Variants in ROBO1 observed in about 807,000 individuals in gnomAD.
The protein encoded by ROBO1 is roundabout homolog 1.
Under a neutral mutation model 195.9 loss-of-function variants are expected in ROBO1, and 149 were observed. The observed-to-expected ratio is 0.76, with a 90% CI of 0.67 to 0.87. ROBO1 has a LOEUF of 0.87. ROBO1 is among the 40% of genes least tolerant of loss of function. ROBO1 has a pLI of 0.00. For missense variants in ROBO1, 1,933 were observed against 2,068.3 expected, an observed-to-expected ratio of 0.93 and a Z score of 1.27; for synonymous variants, 816 against 733.2, an observed-to-expected ratio of 1.11 and a Z score of -1.82.
intron 10 of ROBO1, among the ~76,000 whole-genome samples, chr3:78,681,051 GA>G (rs1171695222): frequency 5.3e-5 from 8 of 151,846 alleles, no homozygotes; most frequent in Non-Finnish European, 1.2e-4. Flanking sequence ...GATGAAATTG[GA>G]AATCATCATT....
chr3:79,249,573 T>A lies in ROBO1; in HGVS notation c.89-124034A>T, dbSNP rs982504242. On this transcript the variant is annotated intron_variant, in intron 2 of 30. Coordinates refer to ENST00000464233, the MANE Select transcript of ROBO1 (RefSeq NM_002941.4). ...CACTGGACCAGGTTTGTATTATGTA[T>A]CTTGCTACAACAGGGAAAACTTAAA... is the stretch of plus-strand genomic sequence containing the variant. Among the ~76,000 whole-genome samples, 10 of 152,190 alleles carry A rather than the reference T, an allele frequency of 6.6e-5. No homozygotes were observed. In the East Asian group the frequency reaches 1.9e-3, roughly 29 times the overall value.
intron 3 of ROBO1, among the ~76,000 whole-genome samples, chr3:79,033,804 T>C (rs767982601): frequency 2.0e-5 from 3 of 152,198 alleles, no homozygotes; most frequent in Non-Finnish European, 2.9e-5. Flanking sequence ...CAATATATAT[T>C]AAAATACTCT....
chr3:79,268,333 T>C (rs1481606144), intron 2 of ROBO1, among the ~76,000 whole-genome samples: 1 of 151,684 alleles, frequency 6.6e-6, no homozygotes, highest in East Asian at 1.9e-4. Context: ...GTTGGAAGTG[T>C]ACTATAAATG....
At chr3:79,550,195 G>GAAAGAAAGAAAGAAAGAAAAGAAAA in intron 2 of ROBO1, among the ~76,000 whole-genome samples, 4 of 100,838 alleles carry the variant, frequency 4.0e-5, no homozygotes, top group African/African-American at 9.3e-5. Flanking sequence ...AAGAAAGAAA[G>GAAAGAAAGAAAGAAAGAAAAGAAAA]GAAAAGAAAA....
At chr3:78,812,977 C>T (rs2084787976) in intron 4 of ROBO1, among the ~76,000 whole-genome samples, 1 of 151,858 alleles carries the variant, frequency 6.6e-6, no homozygotes, top group African/African-American at 2.4e-5. Context: ...GCATTTTTAC[C>T]ATCTTTGTAG....
At chr3:78,675,312 G>A (rs1006282621) in intron 10 of ROBO1, among the ~76,000 whole-genome samples, 55 of 152,108 alleles carry the variant, frequency 3.6e-4, no homozygotes, top group African/African-American at 1.3e-3. Context: ...CCAGATAGAG[G>A]GCGCCGGTCA....
intron 26 of ROBO1, among the ~76,000 whole-genome samples, chr3:78,621,505 C>G (rs576974701): frequency 1.3e-5 from 2 of 152,244 alleles, no homozygotes; most frequent in South Asian, 4.1e-4. Flanking sequence ...CTACAACCAC[C>G]CTTTACAAAT....
At chr3:79,283,843 GC>G (rs2031698302) in intron 2 of ROBO1, among the ~76,000 whole-genome samples, 7 of 151,410 alleles carry the variant, frequency 4.6e-5, no homozygotes, top group Admixed American at 2.6e-4. Flanking sequence ...GACTACAGGC[GC>G]CCGCTACCAC....
chr3:79,409,580 G>A (rs4381898), intron 2 of ROBO1, among the ~76,000 whole-genome samples: 4 of 152,054 alleles, frequency 2.6e-5, no homozygotes, highest in East Asian at 3.9e-4. Flanking sequence ...AATTGTCTTA[G>A]TTGAGAATGT....
intron 4 of ROBO1, among the ~76,000 whole-genome samples, chr3:78,905,295 T>C (rs1576375959): frequency 6.6e-6 from 1 of 151,852 alleles, no homozygotes; most frequent in South Asian, 2.1e-4. Context: ...TGAGTGGGGG[T>C]CCAGGACTAA....
At chr3:78,696,589 T>C (rs1401822449) in intron 8 of ROBO1, among the ~76,000 whole-genome samples, 1 of 150,964 alleles carries the variant, frequency 6.6e-6, no homozygotes, top group African/African-American at 2.4e-5. Flanking sequence ...CTGCCACAAA[T>C]AGTTGTTTAA....
intron 2 of ROBO1, among the ~76,000 whole-genome samples, chr3:79,361,787 C>T (rs2035778413): frequency 6.6e-6 from 1 of 151,938 alleles, no homozygotes; most frequent in African/African-American, 2.4e-5. Context: ...ATTGTATTTA[C>T]CTTACTTTTT....
intron 2 of ROBO1, among the ~76,000 whole-genome samples, chr3:79,159,252 G>T (rs918733315): frequency 6.6e-6 from 1 of 151,924 alleles, no homozygotes; most frequent in Non-Finnish European, 1.5e-5. Flanking sequence ...TGAAATTGCT[G>T]TCAGGACAAC....
chr3:78,822,580 C>T (rs539087599), intron 4 of ROBO1, among the ~76,000 whole-genome samples: 1 of 152,270 alleles, frequency 6.6e-6, no homozygotes. Context: ...ATTATAGATA[C>T]TTTGAAAGTA....
chr3:79,365,650 C>A (rs1213168135), intron 2 of ROBO1, among the ~76,000 whole-genome samples: 1 of 152,112 alleles, frequency 6.6e-6, no homozygotes, highest in African/African-American at 2.4e-5. Flanking sequence ...GTAATCCCAG[C>A]ACTTTGGGAG....
At chr3:79,574,668 T>C (rs1943392433) in intron 2 of ROBO1, among the ~76,000 whole-genome samples, 7 of 151,990 alleles carry the variant, frequency 4.6e-5, no homozygotes, top group Admixed American at 4.6e-4. Context: ...TTTGTTTCCA[T>C]TAATAATTTC....
At chr3:78,993,450 A>G (rs1451625250) in intron 3 of ROBO1, among the ~76,000 whole-genome samples, 3 of 152,172 alleles carry the variant, frequency 2.0e-5, no homozygotes, top group Non-Finnish European at 2.9e-5. Context: ...AAAAGCCTGC[A>G]TTTACTCACT....
intron 1 of ROBO1, among the ~76,000 whole-genome samples, chr3:79,613,868 A>G (rs1420338225): frequency 1.3e-5 from 2 of 152,114 alleles, no homozygotes; most frequent in Non-Finnish European, 2.9e-5. Context: ...GAAATTTGGA[A>G]TGACCATACA....
At chr3:78,935,195 A>T (rs2039738906) in intron 4 of ROBO1, among the ~76,000 whole-genome samples, 1 of 152,110 alleles carries the variant, frequency 6.6e-6, no homozygotes, top group African/African-American at 2.4e-5. Context: ...ATCTTTAATT[A>T]ATTAGCAAAA....
Sources: gnomAD v4.1 joint callset for allele counts (sites outside exome capture counted in the v4.1 genomes callset) on GRCh38, gnomAD v4.1.1 for gene constraint, MANE v1.5 for transcripts, NCBI Gene and HGNC (gene_info 2026-07-23, HGNC 2026-07-21) for gene names.